Variants in DNAH11 observed in about 807,000 individuals in gnomAD.
The protein encoded by DNAH11 is dynein axonemal heavy chain 11, also known as axonemal beta dynein heavy chain 11.
DNAH11 carries 442 observed loss-of-function variants against 526.0 expected under a neutral mutation model. That is an observed-to-expected ratio of 0.84 (90% confidence interval 0.78 to 0.91). The LOEUF (loss-of-function observed/expected upper bound fraction) is 0.91. Ranked by LOEUF, DNAH11 falls within the 40% of genes least tolerant of loss-of-function variation. The probability of loss-of-function intolerance (pLI) is 0.00; values close to 1 mark genes in which losing one functional copy is unlikely to be tolerated. For missense variants in DNAH11, 6,989 were observed against 5,448.7 expected (o/e 1.28, Z -8.90); for synonymous variants, 2,461 against 1,935.9 (o/e 1.27, Z -7.12).
intron 53 of DNAH11, 75 bp from the exon 54 acceptor site, chr7:21,750,147 T>A (rs1786348298): frequency 6.8e-7 from 1 of 1,467,162 alleles, no homozygotes; most frequent in Non-Finnish European, 9.1e-7. Context: ...GTAAAACATT[T>A]CAAACGTTTA....
intron 18 of DNAH11, among the ~76,000 whole-genome samples, chr7:21,603,805 A>C (rs968977608): frequency 6.6e-6 from 1 of 152,210 alleles, no homozygotes; most frequent in Non-Finnish European, 1.5e-5. Flanking sequence ...CTTAAACTAT[A>C]TCTCATAGAG....
rs201711952 is a variant in DNAH11 at position 21,786,301 on chromosome 7, C to CGTGT, written c.9598-323_9598-322insGTGT. Among the ~76,000 whole-genome samples, 7,459 of 115,400 alleles carry CGTGT rather than the reference C, an allele frequency of 0.065. 192 individuals carry two copies. The highest frequency in any genetic ancestry group is 0.08 in the African/African-American group (1,896 of 23,690). The allele number at this position is 115,400 out of a possible 152,430, so 75.7% of individuals were successfully genotyped here. Reference sequence around the variant, plus strand: ...CTATAAATATCTTACAACATATACACATGTGTGTGTGTGTGTGTGTGTGTG... The same window carrying CGTGT: ...CTATAAATATCTTACAACATATACACGTGTATGTGTGTGTGTGTGTGTGTGTGTG... On this transcript the variant is annotated intron_variant, in intron 58 of 81. Transcript: ENST00000409508.
intron 49 of DNAH11, among the ~76,000 whole-genome samples, chr7:21,743,657 G>A (rs1426110698): frequency 6.6e-6 from 1 of 152,180 alleles, no homozygotes; most frequent in African/African-American, 2.4e-5. Context: ...TTTCGTGTCT[G>A]TGTATCTAGC....
intron 30 of DNAH11, among the ~76,000 whole-genome samples, chr7:21,664,036 T>G (rs1381190024): frequency 1.3e-5 from 2 of 151,900 alleles, no homozygotes; most frequent in Non-Finnish European, 1.5e-5. Context: ...TAACTTACAT[T>G]CCCACCAACA....
rs72657357 is a variant in DNAH11, at chr7:21,735,445, G to A, written c.7441-195G>A. 0.059 allele frequency among the ~76,000 whole-genome samples: 8,952 copies of A among 152,236 alleles called. 469 individuals carry two copies. The highest frequency in any genetic ancestry group is 0.14 in the African/African-American group (5,636 of 41,538). On this transcript the variant is annotated intron_variant, in intron 45 of 81. Transcript: ENST00000409508. The stretch of plus-strand genomic sequence containing the variant: ...CCAATTGCTCTCCTCAAGCTACAAT[G>A]TCTGAACTCTAACCATTCAAAATTG...
At position 21,899,836 on chromosome 7, in the gene DNAH11, CCCCTGCTCCAGCGCAGCCATGTGCCAATG is replaced by C. The variant is rs1474476398; in HGVS notation, c.13163-140_13163-112del. 3 of 983,014 alleles carry C rather than the reference CCCCTGCTCCAGCGCAGCCATGTGCCAATG, an allele frequency of 3.1e-6. No homozygotes were observed. In the African/African-American group the frequency reaches 4.9e-5, roughly 16 times the overall value. 60.9% of individuals were successfully genotyped at this position (983,014 alleles called of 1,614,324 possible). A position where few individuals can be genotyped will look rare whatever the true frequency, so the allele number is the denominator to read the frequency against. ...GTCCTGCAGGCCTTAGTTGGCCAAC[CCCCTGCTCCAGCGCAGCCATGTGCCAATG>C]CCCAAGAACCTAAAACACCCTATGG... is the stretch of plus-strand genomic sequence containing the variant. On this transcript the variant is annotated intron_variant, in intron 80 of 81. Transcript: ENST00000409508.
intron 63 of DNAH11, among the ~76,000 whole-genome samples, chr7:21,813,233 C>G (rs577979230): frequency 6.6e-6 from 1 of 152,138 alleles, no homozygotes; most frequent in Admixed American, 6.6e-5. Context: ...TAGGCAAGTT[C>G]AAGGCAGCCT....
chr7:21,797,434 G>C (rs1172499104), intron 61 of DNAH11, among the ~76,000 whole-genome samples: 1 of 151,626 alleles, frequency 6.6e-6, no homozygotes, highest in African/African-American at 2.4e-5. Context: ...GGTCAGGCTG[G>C]TCTCAAACTC....
At chr7:21,848,707 TTCCTTCTCTTC>T (rs1216249142) in intron 66 of DNAH11, among the ~76,000 whole-genome samples, 5 of 152,120 alleles carry the variant, frequency 3.3e-5, no homozygotes, top group African/African-American at 1.2e-4. Flanking sequence ...AATTTTTCTT[TTCCTTCTCTTC>T]TGCCTTCTTT....
rs139932520 is a variant in DNAH11 at position 21,776,442 on chromosome 7, C to T, written c.9336+2443C>T. Among the ~76,000 whole-genome samples the T allele has an allele frequency of 4.4e-3, 672 of 152,238 alleles. 8 individuals are homozygous for T. Among genetic ancestry groups the T allele is most frequent in the African/African-American group, 0.015 (623 of 41,546 alleles). On this transcript the variant is annotated intron_variant, in intron 56 of 81. Transcript: ENST00000409508. ...GCAGAAGATCAGGTTGTATGGAGAGCGTAATGCCTGTATATTGGGGCATGT... is the reference window on the plus strand; with the variant it reads ...GCAGAAGATCAGGTTGTATGGAGAGTGTAATGCCTGTATATTGGGGCATGT...
At chr7:21,689,322 C>T (rs1041768091) in intron 34 of DNAH11, among the ~76,000 whole-genome samples, 6 of 152,150 alleles carry the variant, frequency 3.9e-5, no homozygotes, top group East Asian at 3.8e-4. Flanking sequence ...TGAAAATTGC[C>T]GAGAATACTC....
intron 48 of DNAH11, among the ~76,000 whole-genome samples, chr7:21,740,248 A>G (rs909267578): frequency 3.3e-5 from 5 of 152,136 alleles, no homozygotes; most frequent in African/African-American, 9.7e-5. Flanking sequence ...AAAATTTACC[A>G]CATTAACCAT....
chr7:21,625,216 C>T (rs895440574), intron 25 of DNAH11, among the ~76,000 whole-genome samples: 1 of 151,928 alleles, frequency 6.6e-6, no homozygotes, highest in Non-Finnish European at 1.5e-5. Flanking sequence ...TGTCTTTACT[C>T]ATCTGTTGAG....
rs546147935 is a variant in DNAH11 at position 21,648,324 on chromosome 7, A to G, written c.4945-7508A>G. On this transcript the variant is annotated intron_variant, in intron 28 of 81. Coordinates refer to ENST00000409508, the MANE Select transcript of DNAH11 (RefSeq NM_001277115.2). ...TGCCCTTTGAATGTGATGTGGCCGT[A>G]TTGATCAAGGCTAGAAACTAGTTCT... Among the ~76,000 whole-genome samples, 429 of 152,344 alleles carry G rather than the reference A, an allele frequency of 2.8e-3. 1 individual carries two copies. The highest frequency in any genetic ancestry group is 3.4e-3 in the Middle Eastern group (1 of 294).
At chr7:21,899,561 C>A in intron 80 of DNAH11, 113 bp downstream of exon 80, 1 of 827,772 alleles carries the variant, frequency 1.2e-6, no homozygotes, top group Non-Finnish European at 1.9e-6. Flanking sequence ...AATCCTCAAG[C>A]AGCAGCCATT....
At position 21,746,922 on chromosome 7, in the gene DNAH11, C is replaced by T. The variant is rs540922907; in HGVS notation, c.8511-1658C>T. Reference sequence around the variant, plus strand: ...GTCCTGGCTGAGGTGAAACAGAAACCTCCCATTGATACTGAGGAAAAGAGT... The same window carrying T: ...GTCCTGGCTGAGGTGAAACAGAAACTTCCCATTGATACTGAGGAAAAGAGT... On this transcript the variant is annotated intron_variant, in intron 51 of 81. Transcript: ENST00000409508. Among the ~76,000 whole-genome samples, 10 of 152,238 alleles carry T rather than the reference C, an allele frequency of 6.6e-5. No individual in the cohort carries two copies. The South Asian group carries it at 1.9e-3, about 28-fold the overall frequency.
chr7:21,564,341 A>C lies in DNAH11; in HGVS notation c.1138A>C (p.Thr380Pro), dbSNP rs755525098. 11 of 1,613,346 alleles carry C rather than the reference A, an allele frequency of 6.8e-6. No individual in the cohort carries two copies. The East Asian group carries it at 2.2e-4, about 33-fold the overall frequency. Reference protein sequence around the residue: ...LIWSHSKFYNTPARVIVLLQE... With the variant: ...LIWSHSKFYNPPARVIVLLQE... Reference sequence around the variant, plus strand: ...CTGGAGTCATTCCAAGTTTTATAACACCCCAGCTCGGGTTATAGTTTTATT... The same window carrying C: ...CTGGAGTCATTCCAAGTTTTATAACCCCCCAGCTCGGGTTATAGTTTTATT... The change falls in exon 6 of 82, where the codon ACC becomes CCC. Residue 380 changes from threonine to proline, a missense_variant. Thr to Pro is a conservative substitution (Grantham distance 38). Transcript: ENST00000409508.
chr7:21,561,044 A>G, intron 4 of DNAH11, 27 bp from the exon 5 acceptor site: 1 of 1,467,890 alleles, frequency 6.8e-7, no homozygotes, highest in Non-Finnish European at 9.3e-7. Context: ...TATTTATTAA[A>G]GTTCTTCTTT....
intron 28 of DNAH11, 109 bp from the exon 29 acceptor site, chr7:21,655,723 C>G: frequency 9.1e-7 from 1 of 1,093,714 alleles, no homozygotes; most frequent in Admixed American, 2.9e-5. Flanking sequence ...CATTTTGAGA[C>G]AACTCTAACT....
Sources: gnomAD v4.1 joint callset for allele counts (sites outside exome capture counted in the v4.1 genomes callset) on GRCh38, gnomAD v4.1.1 for gene constraint, MANE v1.5 for transcripts, NCBI Gene and HGNC (gene_info 2026-07-23, HGNC 2026-07-21) for gene names.